ABLIM1: variants seen among roughly 807,000 people sequenced by gnomAD.
The protein encoded by ABLIM1 is actin binding LIM protein 1, also known as actin-binding LIM protein 1.
ABLIM1 carries 40 observed loss-of-function variants against 107.0 expected under a neutral mutation model. The observed-to-expected ratio is 0.37, with a 90% CI of 0.29 to 0.49. ABLIM1 has a LOEUF of 0.49. Ranked by LOEUF, ABLIM1 falls within the 20% of genes least tolerant of loss-of-function variation. ABLIM1 has a pLI of 0.97. For synonymous variants in ABLIM1, 357 were observed against 357.3 expected (o/e 1.00, Z 0.01); for missense variants, 857 against 1,008.5 (o/e 0.85, Z 2.04).
At chr10:114,698,507 T>C (rs1274094197) in intron 1 of ABLIM1, among the ~76,000 whole-genome samples, 1 of 149,560 alleles carries the variant, frequency 6.7e-6, no homozygotes, top group Non-Finnish European at 1.5e-5. Context: ...GGAGAGAAAC[T>C]GAAAAAAACA....
At chr10:114,535,388 G>A (rs538937960) in intron 6 of ABLIM1, among the ~76,000 whole-genome samples, 8 of 152,096 alleles carry the variant, frequency 5.3e-5, no homozygotes, top group South Asian at 2.1e-4. Context: ...TTGGCTCACC[G>A]CAGCCTCTGC....
chr10:114,685,149 C>A (rs2080900098), upstream of ABLIM1: 1 of 152,162 alleles, frequency 6.6e-6, no homozygotes, highest in Non-Finnish European at 1.5e-5. Context: ...ATCCACCACC[C>A]ACAATCCAAC....
At chr10:114,524,966 C>T (rs966081058) in intron 6 of ABLIM1, among the ~76,000 whole-genome samples, 4 of 152,266 alleles carry the variant, frequency 2.6e-5, no homozygotes, top group Admixed American at 2.6e-4. Flanking sequence ...ACTCCAGCCT[C>T]CTCTCATAGA....
chr10:114,733,048 G>C (rs1042547985), intron 1 of ABLIM1, among the ~76,000 whole-genome samples: 2 of 152,142 alleles, frequency 1.3e-5, no homozygotes, highest in African/African-American at 4.8e-5. Flanking sequence ...AATCCTAAAA[G>C]TGGCTCAATT....
the ABLIM1 span, among the ~76,000 whole-genome samples, chr10:114,791,118 G>A: frequency 0.013 from 1,964 of 151,996 alleles, 37 homozygotes; most frequent in African/African-American, 0.043. Context: ...TGTCTCCCAG[G>A]CTGGAGTGTA....
intron 2 of ABLIM1, among the ~76,000 whole-genome samples, chr10:114,594,641 T>G (rs1480076605): frequency 6.6e-6 from 1 of 152,102 alleles, no homozygotes; most frequent in Non-Finnish European, 1.5e-5. Flanking sequence ...TCCCAGCTAT[T>G]AGGGAGGCTG....
intron 12 of ABLIM1, among the ~76,000 whole-genome samples, chr10:114,460,601 CA>C (rs983654566): frequency 2.0e-5 from 3 of 151,362 alleles, no homozygotes; most frequent in South Asian, 2.1e-4. Context: ...ACTCTGTCTC[CA>C]AAAAAACAAA....
chr10:114,767,728 A>G (rs1328463657), intron 1 of ABLIM1, among the ~76,000 whole-genome samples: 1 of 151,876 alleles, frequency 6.6e-6, no homozygotes, highest in African/African-American at 2.4e-5. Flanking sequence ...AGGAAAAAAT[A>G]CCTCTTCCTC....
At chr10:114,444,805 T>C (rs998479749) in intron 16 of ABLIM1, among the ~76,000 whole-genome samples, 6 of 152,188 alleles carry the variant, frequency 3.9e-5, no homozygotes, top group Admixed American at 6.5e-5. Context: ...AGGCCCTTGC[T>C]ACAGGAAGGA....
At chr10:114,478,083 A>T (rs2056762517) in intron 8 of ABLIM1, among the ~76,000 whole-genome samples, 1 of 152,234 alleles carries the variant, frequency 6.6e-6, no homozygotes, top group South Asian at 2.1e-4. Flanking sequence ...TCTTGGAAAC[A>T]TTTATCTTTT....
upstream of ABLIM1, among the ~76,000 whole-genome samples, chr10:114,662,616 C>G (rs1276063556): frequency 6.6e-6 from 1 of 152,178 alleles, no homozygotes; most frequent in African/African-American, 2.4e-5. Context: ...CTCTGAAAGG[C>G]CTGCTTCCTC....
chr10:114,490,792 T>TTA (rs968259739), intron 7 of ABLIM1, among the ~76,000 whole-genome samples: 9 of 150,468 alleles, frequency 6.0e-5, no homozygotes, highest in African/African-American at 1.9e-4. Flanking sequence ...ATATGGTCCT[T>TTA]TATATATATA....
chr10:114,547,486 T>G, intron 5 of ABLIM1, 164 bp downstream of exon 5: 4 of 890,404 alleles, frequency 4.5e-6, no homozygotes, highest in Non-Finnish European at 5.0e-6. Context: ...GGCAAAAGAA[T>G]ACAATTCTTT....
chr10:114,453,523 G>C (rs1252035936), intron 12 of ABLIM1, 40 bp from the exon 13 acceptor site: 1 of 1,433,998 alleles, frequency 7.0e-7, no homozygotes, highest in Non-Finnish European at 9.3e-7. Context: ...TGAGAGAAGG[G>C]AGAGAGAAAC....
At chr10:114,647,209 G>GTGGCATTTAGGGAAAAGAGCCC (rs1555215585) in intron 1 of ABLIM1, among the ~76,000 whole-genome samples, 1 of 151,796 alleles carries the variant, frequency 6.6e-6, no homozygotes, top group African/African-American at 2.4e-5. Flanking sequence ...TGTTGGGCCA[G>GTGGCATTTAGGGAAAAGAGCCC]ACTGGTCTTG....
intron 1 of ABLIM1, among the ~76,000 whole-genome samples, chr10:114,718,498 A>T (rs2081759813): frequency 6.6e-6 from 1 of 152,222 alleles, no homozygotes; most frequent in African/African-American, 2.4e-5. Context: ...GAGGACAAAG[A>T]ATAGAGCATT....
In ABLIM1 at chr10:114,487,996, C is replaced by G. The variant is rs534634363; in HGVS notation, c.1003G>C (p.Asp335His). The change falls in exon 8 of 23, where the codon GAC becomes CAC. Residue 335 changes from aspartate (D) to histidine (H), a missense_variant. Transcript: ENST00000533213. The stretch of plus-strand genomic sequence containing the variant: ...TCGGTCTTCGTAGATTGCTTACAGT[C>G]GGGATGCCAAACGGTGGAGCCTGAG... ...YLQGSTVWHPDCKQSTKTEEK... is the reference protein window; with the variant it reads ...YLQGSTVWHPHCKQSTKTEEK... 6.2e-7 allele frequency: 1 copy of G among 1,613,984 alleles called. No individual in the cohort carries two copies. The highest frequency in any genetic ancestry group is 1.3e-5 in the African/African-American group (1 of 74,900).
intron 1 of ABLIM1, among the ~76,000 whole-genome samples, chr10:114,711,652 C>T (rs2081549776): frequency 6.6e-6 from 1 of 152,134 alleles, no homozygotes; most frequent in Non-Finnish European, 1.5e-5. Flanking sequence ...CCTGAGCCAG[C>T]AACAGTGGGG....
the ABLIM1 span, among the ~76,000 whole-genome samples, chr10:114,787,132 C>A: frequency 6.6e-6 from 1 of 151,066 alleles, no homozygotes; most frequent in Non-Finnish European, 1.5e-5. Flanking sequence ...ATGTGGGGAG[C>A]GCCTCTGCCC....
Sources: allele counts gnomAD v4.1 joint callset (sites outside exome capture counted in the v4.1 genomes callset), GRCh38; gene constraint gnomAD v4.1.1; transcripts MANE v1.5; gene names NCBI Gene and HGNC (gene_info 2026-07-23, HGNC 2026-07-21).